Variants in STPG2 observed in about 807,000 individuals in gnomAD.
The protein encoded by STPG2 is sperm tail PG-rich repeat containing 2.
STPG2 carries 56 observed loss-of-function variants against 54.2 expected under a neutral mutation model. The observed-to-expected ratio is 1.03, with a 90% confidence interval of 0.83 to 1.29. The LOEUF (loss-of-function observed/expected upper bound fraction) is 1.29. Ranked by LOEUF, STPG2 falls within the 50% of genes most tolerant of loss-of-function variation. The pLI is 0.00. For synonymous variants in STPG2, 200 were observed against 181.8 expected (o/e 1.10, Z -0.81); for missense variants, 596 against 544.9 (o/e 1.09, Z -0.93).
intron 4 of STPG2, among the ~76,000 whole-genome samples, chr4:97,522,586 A>T (rs1054842675): frequency 6.6e-6 from 1 of 152,180 alleles, no homozygotes; most frequent in South Asian, 2.1e-4. Flanking sequence ...GTGGGACTTG[A>T]GTCATTTATA....
chr4:97,940,286 C>T (rs1266023137), intron 8 of STPG2, among the ~76,000 whole-genome samples: 2 of 152,138 alleles, frequency 1.3e-5, no homozygotes, highest in African/African-American at 4.8e-5. Flanking sequence ...CAGGGATGAT[C>T]TTCTTGTGTA....
intron 9 of STPG2, among the ~76,000 whole-genome samples, chr4:97,744,003 C>T (rs1186196524): frequency 1.3e-5 from 2 of 151,278 alleles, no homozygotes; most frequent in Admixed American, 1.3e-4. Flanking sequence ...AATAATAGGA[C>T]TGAAAAGGAG....
At chr4:97,960,460 C>T (rs1329776566) in intron 7 of STPG2, among the ~76,000 whole-genome samples, 1 of 151,966 alleles carries the variant, frequency 6.6e-6, no homozygotes, top group East Asian at 1.9e-4. Flanking sequence ...CTAAAGACTC[C>T]TCCAAAAAGC....
At chr4:97,454,279 C>T (rs569220105) in intron 4 of STPG2, among the ~76,000 whole-genome samples, 4 of 151,136 alleles carry the variant, frequency 2.6e-5, no homozygotes, top group Admixed American at 6.6e-5. Flanking sequence ...TTTGGGAGGC[C>T]GAGGCGGGTG....
intron 9 of STPG2, among the ~76,000 whole-genome samples, chr4:97,718,489 A>G (rs2149013357): frequency 6.6e-6 from 1 of 152,172 alleles, no homozygotes; most frequent in Middle Eastern, 3.4e-3. Flanking sequence ...TTATTTAGTG[A>G]GAAGCCAATT....
At chr4:97,695,088 C>CAAAA in intron 10 of STPG2, among the ~76,000 whole-genome samples, 1 of 138,446 alleles carries the variant, frequency 7.2e-6, no homozygotes. Context: ...AAAAATCCTC[C>CAAAA]AAAAAAAAAA....
chr4:97,486,628 A>G (rs1399911328), intron 4 of STPG2, among the ~76,000 whole-genome samples: 1 of 151,738 alleles, frequency 6.6e-6, no homozygotes, highest in Non-Finnish European at 1.5e-5. Flanking sequence ...AAGAACTAAA[A>G]GTAGAACTAC....
chr4:97,759,317 T>A (rs1725821845), intron 9 of STPG2, among the ~76,000 whole-genome samples: 1 of 152,022 alleles, frequency 6.6e-6, no homozygotes, highest in Non-Finnish European at 1.5e-5. Flanking sequence ...GAAAAAAAAA[T>A]AACATTGTCA....
chr4:97,470,870 CAT>C (rs1729907611), intron 4 of STPG2, among the ~76,000 whole-genome samples: 2 of 152,076 alleles, frequency 1.3e-5, no homozygotes, highest in Non-Finnish European at 1.5e-5. Context: ...AGGTGAATGA[CAT>C]AGGCATTGCG....
intron 8 of STPG2, among the ~76,000 whole-genome samples, chr4:97,901,468 C>G (rs6843393): frequency 0.58 from 88,353 of 151,622 alleles, 26,307 homozygotes; most frequent in East Asian, 0.74. Flanking sequence ...AAAAAAGTTA[C>G]AACTAATAAT....
intron 9 of STPG2, among the ~76,000 whole-genome samples, chr4:97,738,514 A>G (rs1003816815): frequency 2.0e-5 from 3 of 152,186 alleles, no homozygotes; most frequent in Non-Finnish European, 4.4e-5. Context: ...AGGATGGAGA[A>G]AGATCTACCA....
intron 4 of STPG2, among the ~76,000 whole-genome samples, chr4:97,487,722 AC>A (rs1262215450): frequency 6.6e-6 from 1 of 151,472 alleles, no homozygotes; most frequent in Admixed American, 6.6e-5. Context: ...TCATGTTTAT[AC>A]CATCCGTGTT....
chr4:97,770,564 A>T (rs933276463), intron 9 of STPG2, among the ~76,000 whole-genome samples: 4 of 152,346 alleles, frequency 2.6e-5, no homozygotes, highest in South Asian at 2.1e-4. Flanking sequence ...TTGAGAAAAA[A>T]TTAACATGAG....
intron 2 of STPG2, among the ~76,000 whole-genome samples, chr4:98,130,746 C>A (rs1739963733): frequency 6.6e-6 from 1 of 151,348 alleles, no homozygotes; most frequent in Admixed American, 6.6e-5. Flanking sequence ...CACGGTGAAA[C>A]CCCGTCTCTA....
chr4:97,876,128 A>C (rs184830897), intron 8 of STPG2, among the ~76,000 whole-genome samples: 2 of 152,204 alleles, frequency 1.3e-5, no homozygotes, highest in African/African-American at 4.8e-5. Flanking sequence ...GCGAATGCTA[A>C]AAAGTCTGTC....
intron 9 of STPG2, among the ~76,000 whole-genome samples, chr4:97,742,156 T>C (rs1443056909): frequency 2.0e-5 from 3 of 151,588 alleles, no homozygotes; most frequent in Admixed American, 6.6e-5. Context: ...TAGGTGGGAA[T>C]TGAACAATGA....
chr4:97,829,565 A>C (rs1728379636), intron 9 of STPG2, among the ~76,000 whole-genome samples: 1 of 152,080 alleles, frequency 6.6e-6, no homozygotes, highest in African/African-American at 2.4e-5. Context: ...GTGGGTAATA[A>C]CAAACTCCTC....
intron 9 of STPG2, among the ~76,000 whole-genome samples, chr4:97,835,448 A>T (rs7678844): frequency 1.9e-3 from 294 of 152,248 alleles, no homozygotes; most frequent in African/African-American, 7.0e-3. Flanking sequence ...GCCATTCTTT[A>T]TTCCTTTATT....
chr4:97,547,360 G>A (rs1308022899), intron 4 of STPG2, among the ~76,000 whole-genome samples: 3 of 151,958 alleles, frequency 2.0e-5, no homozygotes, highest in Admixed American at 1.3e-4. Flanking sequence ...ACAGAAGCCC[G>A]CCACCACATC....
Sources: allele counts gnomAD v4.1 joint callset (sites outside exome capture counted in the v4.1 genomes callset), GRCh38; gene constraint gnomAD v4.1.1; transcripts MANE v1.5; gene names NCBI Gene and HGNC (gene_info 2026-07-23, HGNC 2026-07-21).